NDUFC2: variants seen among roughly 807,000 people sequenced by gnomAD.
NDUFC2 encodes NADH dehydrogenase [ubiquinone] 1 subunit C2.
In NDUFC2, 2 loss-of-function variants were observed where a neutral mutation model predicts 10.1. The observed-to-expected ratio is 0.20, with a 90% confidence interval of 0.08 to 0.62. The LOEUF (loss-of-function observed/expected upper bound fraction) is 0.62, where lower values mean the gene tolerates loss of function less well. Among genes scored for constraint, NDUFC2 ranks in the 20% least tolerant of loss-of-function variants. The pLI is 0.87. For synonymous variants in NDUFC2, 61 were observed against 63.6 expected, an observed-to-expected ratio of 0.96 and a Z score of 0.20; for missense variants, 156 against 159.6, an observed-to-expected ratio of 0.98 and a Z score of 0.12.
chr11:78,075,858 G>T (rs2136837321), intron 1 of NDUFC2, among the ~76,000 whole-genome samples: 1 of 152,234 alleles, frequency 6.6e-6, no homozygotes, highest in Admixed American at 6.5e-5. Context: ...AAAGTGTTGG[G>T]ATTACAGGTG....
chr11:78,072,065 G>A (rs1406731758), intron 2 of NDUFC2, among the ~76,000 whole-genome samples: 1 of 152,190 alleles, frequency 6.6e-6, no homozygotes, highest in Non-Finnish European at 1.5e-5. Context: ...TAAGAATGTG[G>A]GTAAAGTGTT....
In NDUFC2 at chr11:78,070,017, T is replaced by G; in HGVS notation, c.330A>C (p.Glu110Asp). ...GTATTGGATGGAATTTTTCAAAAAT[T>G]TCACCATATGTTTTCTTATCTATAA... ...FPEEDKKTYG[E>D]IFEKFHPIR Residue 110 changes from glutamate (E) to aspartate (D), a missense_variant, in exon 3 of 3, where the codon GAA becomes GAC. Glu to Asp is a conservative substitution (Grantham distance 45). Transcript: ENST00000281031. 6.3e-7 allele frequency: 1 copy of G among 1,598,904 alleles called. No homozygotes were observed.
In NDUFC2 at chr11:78,079,597, T is replaced by C. The variant is rs1859425021; in HGVS notation, c.148A>G (p.Arg50Gly). Residue 50 changes from arginine (R) to glycine (G), a missense_variant, in exon 1 of 3, where the codon AGG (arginine) becomes GGG (glycine). Transcript: ENST00000281031. ...CACTCACCAGCCGTCGCGATCGGCC[T>C]CCGCCGGATTAGGTTATCAATCAGG... ...SGLIDNLIRR[R>G]PIATAGLHRQ... is the part of the protein sequence containing the mutation. 1 of 1,554,688 alleles carries C rather than the reference T, an allele frequency of 6.4e-7. No individual in the cohort carries two copies. The highest frequency in any genetic ancestry group is 8.7e-7 in the Non-Finnish European group (1 of 1,149,672).
At chr11:78,073,604 C>G (rs1433491226) in intron 1 of NDUFC2, among the ~76,000 whole-genome samples, 1 of 151,872 alleles carries the variant, frequency 6.6e-6, no homozygotes, top group Non-Finnish European at 1.5e-5. Flanking sequence ...GTCAGGAGTA[C>G]AAGACCAGTT....
In NDUFC2 at chr11:78,078,728, C is replaced by CTT. The variant is rs71046953; in HGVS notation, c.166+849_166+850dup. On this transcript the variant is annotated intron_variant, in intron 1 of 2. Transcript: ENST00000281031. The stretch of plus-strand genomic sequence containing the variant: ...CCCAGACCTCATGAATCAGGATCCG[C>CTT]TTTTTTTTTTTTTTTGAGACAGGGT... 6.8e-3 allele frequency among the ~76,000 whole-genome samples: 417 copies of CTT among 61,624 alleles called. 99 individuals carry two copies. The highest frequency in any genetic ancestry group is 0.025 in the Admixed American group (99 of 3,912). 40.4% of individuals were successfully genotyped at this position (61,624 alleles called of 152,430 possible).
rs756324039 is a variant in NDUFC2, at chr11:78,079,703, C to A, written c.42G>T (p.Pro14=). The part of the protein sequence containing the change: ...RRNPEPLRFL[P]DEARSLPPPK... ...GCGGGGGCAGGCTCCGGGCCTCATCCGGCAGAAACCGTAAGGGTTCTGGGT... is the reference window on the plus strand; with the variant it reads ...GCGGGGGCAGGCTCCGGGCCTCATCAGGCAGAAACCGTAAGGGTTCTGGGT... The change falls in exon 1 of 3, where the codon CCG becomes CCT. Residue 14 remains proline (P), a synonymous_variant. Coordinates refer to ENST00000281031, the MANE Select transcript of NDUFC2 (RefSeq NM_004549.6). 3.4e-5 allele frequency: 54 copies of A among 1,609,930 alleles called. No homozygotes were observed. The highest frequency in any genetic ancestry group is 4.5e-5 in the Non-Finnish European group (53 of 1,178,528).
rs925105146 is a variant in NDUFC2 at position 78,072,795 on chromosome 11, G to A, written c.310+203C>T. 4 of 687,240 alleles carry A rather than the reference G, an allele frequency of 5.8e-6. No homozygotes were observed. The African/African-American group carries it at 7.3e-5, about 12-fold the overall frequency. The allele number at this position is 687,240 out of a possible 1,614,324, so 42.6% of individuals were successfully genotyped here. On this transcript the variant is annotated intron_variant, in intron 2 of 2. Transcript: ENST00000281031. ...AGCAGGAGGTTTGGGAAGGCAGAGG[G>A]GATATGAGTTTTGTTTGCTGTCCAA... is the stretch of plus-strand genomic sequence containing the variant.
rs757971840 is a variant in NDUFC2 at position 78,070,005 on chromosome 11, T to G, written c.342A>C (p.Lys114Asn). 19 of 1,606,466 alleles carry G rather than the reference T, an allele frequency of 1.2e-5. No individual in the cohort carries two copies. Among genetic ancestry groups the G allele is most frequent in the Non-Finnish European group, 1.6e-5 (19 of 1,175,762 alleles). The change falls in exon 3 of 3, where the codon AAA (lysine) becomes AAC (asparagine). Residue 114 changes from lysine to asparagine, a missense_variant. By Grantham distance (94) the Lys-to-Asn change is moderately conservative. Transcript: ENST00000281031. ...DKKTYGEIFE[K>N]FHPIR ...GAAGACTTCAACGTATTGGATGGAATTTTTCAAAAATTTCACCATATGTTT... is the reference window on the plus strand; with the variant it reads ...GAAGACTTCAACGTATTGGATGGAAGTTTTCAAAAATTTCACCATATGTTT...
Position 78,079,654 on chromosome 11 carries a change from G to A in NDUFC2, c.91C>T (p.Leu31Phe). Residue 31 changes from leucine to phenylalanine, a missense_variant, in exon 1 of 3, where the codon CTC (leucine) becomes TTC (phenylalanine). Coordinates refer to ENST00000281031, the MANE Select transcript of NDUFC2 (RefSeq NM_004549.6). ...CAGTAGCCCAAGAAGCCGATGTAGA[G>A]GAGCCGCGGGTCGGTCAGCTTGGGC... ...PPPKLTDPRL[L>F]YIGFLGYCSG... is the part of the protein sequence containing the mutation. 6.2e-7 allele frequency: 1 copy of A among 1,601,858 alleles called. No individual in the cohort carries two copies. Among genetic ancestry groups the A allele is most frequent in the East Asian group, 2.3e-5 (1 of 44,402 alleles).
intron 1 of NDUFC2, among the ~76,000 whole-genome samples, chr11:78,077,598 C>T (rs609952): frequency 0.15 from 23,364 of 152,110 alleles, 2,107 homozygotes; most frequent in East Asian, 0.28. Flanking sequence ...CTTTGTTGCC[C>T]AGGCTGGAGT....
intron 2 of NDUFC2, among the ~76,000 whole-genome samples, chr11:78,071,256 T>A (rs1858995604): frequency 6.9e-6 from 1 of 144,822 alleles, no homozygotes; most frequent in African/African-American, 2.5e-5. Context: ...ACAGAAGAAT[T>A]TTTTTTTTTT....
At chr11:78,070,161 TC>T in intron 2 of NDUFC2, 125 bp from the exon 3 acceptor site, 1 of 704,566 alleles carries the variant, frequency 1.4e-6, no homozygotes, top group East Asian at 2.7e-5. Flanking sequence ...AATGTTCATG[TC>T]CCCCCAAAGT....
At chr11:78,072,728 C>A in intron 2 of NDUFC2, 1 of 513,488 alleles carries the variant, frequency 1.9e-6, no homozygotes, top group Non-Finnish European at 3.4e-6. Flanking sequence ...CTTGAGTGTC[C>A]AGGTGGACAG....
chr11:78,072,295 A>T (rs1859045148), intron 2 of NDUFC2, among the ~76,000 whole-genome samples: 2 of 152,176 alleles, frequency 1.3e-5, no homozygotes, highest in South Asian at 4.1e-4. Flanking sequence ...CTCCTGCCTC[A>T]GCCTCCCAAG....
chr11:78,079,348 A>T (rs1160827439), intron 1 of NDUFC2, among the ~76,000 whole-genome samples: 1 of 152,088 alleles, frequency 6.6e-6, no homozygotes. Flanking sequence ...TCCTTCACAG[A>T]CTCAGTTCCT....
rs540933242 is a variant in NDUFC2, at chr11:78,069,815, G to T, written c.*172C>A. 1.4e-6 allele frequency: 2 copies of T among 1,416,098 alleles called. No individual in the cohort carries two copies. Among genetic ancestry groups the T allele is most frequent in the South Asian group, 2.6e-5 (2 of 77,548 alleles). The allele number at this position is 1,416,098 out of a possible 1,614,324, so 87.7% of individuals were successfully genotyped here. A position where few individuals can be genotyped will look rare whatever the true frequency, so the allele number is the denominator to read the frequency against. ...GAATGGAAACTGACCATTCTCTGAT[G>T]ATGAACTATTTTTCTTACAACAATA... On this transcript the variant is annotated 3_prime_UTR_variant, in exon 3 of 3. Transcript: ENST00000281031.
chr11:78,072,308 G>T (rs1165650339), intron 2 of NDUFC2, among the ~76,000 whole-genome samples: 1 of 152,170 alleles, frequency 6.6e-6, no homozygotes, highest in African/African-American at 2.4e-5. Context: ...CTCCCAAGTA[G>T]CTGGGCTTAC....
intron 1 of NDUFC2, among the ~76,000 whole-genome samples, chr11:78,074,060 T>C (rs1819285131): frequency 6.6e-6 from 1 of 151,360 alleles, no homozygotes; most frequent in South Asian, 2.1e-4. Flanking sequence ...CTTTCTTTTT[T>C]TTTTAAGAGG....
chr11:78,076,752 C>G (rs1354553551), intron 1 of NDUFC2, among the ~76,000 whole-genome samples: 38 of 152,180 alleles, frequency 2.5e-4, no homozygotes, highest in Admixed American at 2.5e-3. Flanking sequence ...TCTTCTGTCT[C>G]CCAGAAAGGC....
Sources: gnomAD v4.1 joint callset for allele counts (sites outside exome capture counted in the v4.1 genomes callset) on GRCh38, gnomAD v4.1.1 for gene constraint, MANE v1.5 for transcripts, NCBI Gene and HGNC (gene_info 2026-07-23, HGNC 2026-07-21) for gene names.